The following ESR1 variants were observed in gnomAD, a reference collection of about 807,000 sequenced individuals.
ESR1 encodes the protein estrogen receptor 1.
A neutral mutation model predicts 52.7 loss-of-function variants in ESR1; 12 were observed. The observed-to-expected ratio is 0.23, with a 90% CI of 0.15 to 0.37. The LOEUF (loss-of-function observed/expected upper bound fraction) is 0.37. Among genes scored for constraint, ESR1 ranks in the 10% least tolerant of loss-of-function variants. The pLI, the probability that ESR1 is intolerant of heterozygous loss-of-function variation, is 1.00. For synonymous variants in ESR1, 305 were observed against 316.8 expected (o/e 0.96, Z 0.39); for missense variants, 584 against 779.7 (o/e 0.75, Z 2.99).
intron 1 of ESR1, among the ~76,000 whole-genome samples, chr6:151,670,330 C>T (rs942952571): frequency 2.6e-5 from 4 of 152,154 alleles, no homozygotes; most frequent in African/African-American, 9.7e-5. Flanking sequence ...TTACATTACC[C>T]GTTTTTCCAT....
At chr6:152,060,917 T>G (rs1415783450) in intron 5 of ESR1, 74 bp from the exon 6 acceptor site, 2 of 1,275,840 alleles carry the variant, frequency 1.6e-6, no homozygotes, top group Non-Finnish European at 2.2e-6. Context: ...ATGTGAACCC[T>G]TTCATGTCTT....
intron 4 of ESR1, among the ~76,000 whole-genome samples, chr6:151,971,582 A>G (rs1159527048): frequency 3.3e-5 from 5 of 152,176 alleles, no homozygotes. Flanking sequence ...AAATCAAGAG[A>G]GAAATTTAAA....
chr6:151,766,350 T>C (rs1430713750), intron 2 of ESR1, among the ~76,000 whole-genome samples: 1 of 152,114 alleles, frequency 6.6e-6, no homozygotes, highest in African/African-American at 2.4e-5. Context: ...TTTTGATTGC[T>C]TTTGATTGAC....
chr6:151,815,308 A>G (rs1297654911), intron 1 of ESR1, among the ~76,000 whole-genome samples: 1 of 152,220 alleles, frequency 6.6e-6, no homozygotes, highest in Non-Finnish European at 1.5e-5. Context: ...CTTTAGTTAC[A>G]GGGAAAAAAT....
At chr6:151,877,581 G>A (rs1792072155) in intron 2 of ESR1, among the ~76,000 whole-genome samples, 1 of 152,078 alleles carries the variant, frequency 6.6e-6, no homozygotes, top group Admixed American at 6.6e-5. Context: ...CATTAAACAT[G>A]TTAGTTCAGG....
rs957463927 is a variant in ESR1 at position 151,909,186 on chromosome 6, G to A, written c.760+28415G>A. ...GCGTGCTGCTAATAACACCAAGGTC[G>A]TGGTTTCTATCCCATTACAGGGCAG... On this transcript the variant is annotated intron_variant, in intron 3 of 7. Coordinates refer to ENST00000206249, the MANE Select transcript of ESR1 (RefSeq NM_000125.4). Among the ~76,000 whole-genome samples the A allele has an allele frequency of 3.9e-5, 6 of 152,166 alleles. No homozygotes were observed. The East Asian group carries it at 7.7e-4, about 20-fold the overall frequency.
upstream of ESR1, among the ~76,000 whole-genome samples, chr6:151,802,201 C>T (rs1339682353): frequency 6.6e-6 from 1 of 152,076 alleles, no homozygotes. Context: ...AGTCCAGGAG[C>T]TAATCAAAAA....
At chr6:151,982,065 CTGTT>C (rs1562628447) in intron 4 of ESR1, among the ~76,000 whole-genome samples, 4 of 152,358 alleles carry the variant, frequency 2.6e-5, no homozygotes, top group African/African-American at 9.6e-5. Flanking sequence ...TTCATTCACT[CTGTT>C]TAATTCATTC....
chr6:151,908,396 G>A (rs188973435), intron 3 of ESR1, among the ~76,000 whole-genome samples: 310 of 152,218 alleles, frequency 2.0e-3, no homozygotes, highest in African/African-American at 7.1e-3. Context: ...TTTTAGGCAA[G>A]TTCACAAATA....
At chr6:151,672,012 A>G (rs1018666306) in intron 1 of ESR1, among the ~76,000 whole-genome samples, 3 of 152,104 alleles carry the variant, frequency 2.0e-5, no homozygotes, top group Non-Finnish European at 2.9e-5. Flanking sequence ...TAATTTTTAT[A>G]AATAAAGACA....
At chr6:151,905,956 T>A (rs1045212961) in intron 3 of ESR1, among the ~76,000 whole-genome samples, 2 of 152,162 alleles carry the variant, frequency 1.3e-5, no homozygotes, top group Non-Finnish European at 2.9e-5. Flanking sequence ...CGTTCCATTA[T>A]TGGAACGCTA....
intron 2 of ESR1, among the ~76,000 whole-genome samples, chr6:151,736,375 G>GGTTTTTTTTTTTTTTTTTTTTTTTTTT (rs1554247186): frequency 8.9e-6 from 1 of 112,740 alleles, no homozygotes; most frequent in African/African-American, 3.8e-5. Context: ...TCCAGGTAGT[G>GGTTTTTTTTTTTTTTTTTTTTTTTTTT]TTTTTTTTTT....
intron 3 of ESR1, among the ~76,000 whole-genome samples, chr6:151,901,703 G>C (rs1796722911): frequency 6.6e-6 from 1 of 152,236 alleles, no homozygotes; most frequent in Admixed American, 6.5e-5. Context: ...ATCTGGAGCT[G>C]CAGATTCCCC....
At chr6:151,853,169 C>CAAAAAAAAAAA (rs386408969) in intron 2 of ESR1, among the ~76,000 whole-genome samples, 38 of 42,896 alleles carry the variant, frequency 8.9e-4, no homozygotes, top group Non-Finnish European at 1.3e-3. Context: ...AGACTCGTCT[C>CAAAAAAAAAAA]AAAAAAAAAA....
At chr6:151,777,123 CT>C (rs768370394) in intron 2 of ESR1, among the ~76,000 whole-genome samples, 38 of 133,460 alleles carry the variant, frequency 2.8e-4, no homozygotes, top group Non-Finnish European at 4.0e-4. Flanking sequence ...CTTTTCTTTT[CT>C]TTTTTTTTTT....
intron 5 of ESR1, among the ~76,000 whole-genome samples, chr6:152,056,820 A>C (rs2047143436): frequency 6.6e-6 from 1 of 152,164 alleles, no homozygotes; most frequent in Non-Finnish European, 1.5e-5. Context: ...TCTGCTTGAT[A>C]AACTACTCCT....
intron 2 of ESR1, among the ~76,000 whole-genome samples, chr6:151,735,565 G>T (rs201079497): frequency 0.02 from 2,897 of 147,206 alleles, 35 homozygotes; most frequent in East Asian, 0.038. Flanking sequence ...GTTTGTTTTT[G>T]TTTTTTTTTT....
intron 5 of ESR1, among the ~76,000 whole-genome samples, chr6:152,032,405 G>A (rs566683946): frequency 2.0e-4 from 30 of 152,258 alleles, no homozygotes; most frequent in South Asian, 1.7e-3. Context: ...TCGTCTCAGC[G>A]CAAAATCTCC....
At chr6:151,758,503 G>A (rs536942007) in intron 2 of ESR1, among the ~76,000 whole-genome samples, 9 of 152,172 alleles carry the variant, frequency 5.9e-5, no homozygotes, top group African/African-American at 9.7e-5. Context: ...GCTCATGCCT[G>A]TAATCCCAGC....
Sources: gnomAD v4.1 joint callset for allele counts (sites outside exome capture counted in the v4.1 genomes callset) on GRCh38, gnomAD v4.1.1 for gene constraint, MANE v1.5 for transcripts, NCBI Gene and HGNC (gene_info 2026-07-23, HGNC 2026-07-21) for gene names.